Variants in ZNF66 observed in about 807,000 individuals in gnomAD.
ZNF66 encodes putative zinc finger protein 66.
In ZNF66, 32 loss-of-function variants were observed where a neutral mutation model predicts 35.2. The observed-to-expected ratio is 0.91, with a 90% confidence interval of 0.69 to 1.22. The LOEUF is 1.22. Among genes scored for constraint, ZNF66 ranks in the 50% most tolerant of loss-of-function variants. ZNF66 has a pLI of 0.00. For missense variants in ZNF66, 666 were observed against 543.1 expected (o/e 1.23, Z -2.25); for synonymous variants, 231 against 181.3 (o/e 1.27, Z -2.20).
intron 2 of ZNF66, among the ~76,000 whole-genome samples, chr19:20,793,332 C>CTTTTTTT (rs781748526): frequency 2.1e-4 from 18 of 84,618 alleles, no homozygotes; most frequent in South Asian, 9.5e-4. Flanking sequence ...CTTTTCTTTT[C>CTTTTTTT]TTTTTTTTTT....
intron 1 of ZNF66, among the ~76,000 whole-genome samples, chr19:20,778,249 G>A (rs995921757): frequency 2.0e-5 from 3 of 151,994 alleles, no homozygotes; most frequent in African/African-American, 7.2e-5. Context: ...ACAGGTGTGT[G>A]TCACCACGTC....
chr19:20,778,681 G>A (rs1971217573), intron 1 of ZNF66, among the ~76,000 whole-genome samples: 1 of 151,774 alleles, frequency 6.6e-6, no homozygotes, highest in South Asian at 2.1e-4. Flanking sequence ...TACTTGGGAG[G>A]CTGAGGAACA....
rs1033698023 is a variant in ZNF66 at position 20,807,421 on chromosome 19, T to C, written c.*99T>C. 12 of 553,868 alleles carry C rather than the reference T, an allele frequency of 2.2e-5. No individual in the cohort carries two copies. The highest frequency in any genetic ancestry group is 2.1e-4 in the African/African-American group (11 of 52,918). The allele number at this position is 553,868 out of a possible 1,614,324, so 34.3% of individuals were successfully genotyped here. On this transcript the variant is annotated 3_prime_UTR_variant, in exon 4 of 4. Transcript: ENST00000344519. ...AAAGACTTTAACCAGCTATCAACTT[T>C]TACTAAATATGAGAATTTATGGAAC...
rs997399665 is a variant in ZNF66, at chr19:20,808,900, G to A, written c.*1578G>A. Among the ~76,000 whole-genome samples, 5 of 151,814 alleles carry A rather than the reference G, an allele frequency of 3.3e-5. No individual in the cohort carries two copies. The highest frequency in any genetic ancestry group is 1.2e-4 in the African/African-American group (5 of 41,342). The stretch of plus-strand genomic sequence containing the variant: ...GCTTCAGACGATCAAACTACTCCGA[G>A]CTACAGGAGGAAATTCAAACCAAAG... On this transcript the variant is annotated 3_prime_UTR_variant, in exon 4 of 4. Transcript: ENST00000344519.
chr19:20,785,115 C>A (rs1052256215), intron 1 of ZNF66: 1 of 152,182 alleles, frequency 6.6e-6, no homozygotes, highest in Non-Finnish European at 1.5e-5. Context: ...TGATTCTACC[C>A]AGGAGGCCTG....
intron 1 of ZNF66, among the ~76,000 whole-genome samples, chr19:20,782,043 T>A (rs1196145707): frequency 6.6e-6 from 1 of 152,148 alleles, no homozygotes; most frequent in Admixed American, 6.5e-5. Context: ...CTAAAGCAAT[T>A]CTCTCCTACC....
intron 1 of ZNF66, among the ~76,000 whole-genome samples, chr19:20,791,250 C>T (rs915145120): frequency 6.6e-6 from 1 of 151,982 alleles, no homozygotes; most frequent in Non-Finnish European, 1.5e-5. Flanking sequence ...TTTGGGAGGT[C>T]AAGGCAGGCA....
intron 3 of ZNF66, among the ~76,000 whole-genome samples, chr19:20,795,903 A>G (rs552376940): frequency 1.3e-5 from 2 of 152,290 alleles, no homozygotes; most frequent in East Asian, 1.9e-4. Context: ...CAGTGGGACC[A>G]AGTTGGGTGA....
In ZNF66 at chr19:20,807,950, C is replaced by T. The variant is rs558827326; in HGVS notation, c.*628C>T. ...GAAGCGCAAGGAGTCAGGGAGTTCC[C>T]TTTCCTAGTCAAAGAAAGGGGTGAC... On this transcript the variant is annotated 3_prime_UTR_variant, in exon 4 of 4. Coordinates refer to ENST00000344519, the MANE Select transcript of ZNF66 (RefSeq NM_001355197.2). Among the ~76,000 whole-genome samples, 28 of 151,494 alleles carry T rather than the reference C, an allele frequency of 1.8e-4. No individual in the cohort carries two copies. The highest frequency in any genetic ancestry group is 3.3e-4 in the Non-Finnish European group (22 of 67,532).
chr19:20,805,861 A>G lies in ZNF66; in HGVS notation c.261A>G (p.Pro87=), dbSNP rs776831381. ...CTCATTTTAACCAAGACCTTTGGCCAGAGCAGAGCATAAAAGATTCTTTCC... is the reference window on the plus strand; with the variant it reads ...CTCATTTTAACCAAGACCTTTGGCCGGAGCAGAGCATAAAAGATTCTTTCC... ...LCSHFNQDLW[P]EQSIKDSFQK... is the part of the protein sequence containing the mutation. Residue 87 remains proline, a synonymous_variant, in exon 4 of 4, where the codon CCA becomes CCG. Coordinates refer to ENST00000344519, the MANE Select transcript of ZNF66 (RefSeq NM_001355197.2). 7 of 619,794 alleles carry G rather than the reference A, an allele frequency of 1.1e-5. No individual in the cohort carries two copies. The highest frequency in any genetic ancestry group is 1.5e-5 in the Non-Finnish European group (5 of 342,630). 38.4% of individuals were successfully genotyped at this position (619,794 alleles called of 1,614,324 possible). A position where few individuals can be genotyped will look rare whatever the true frequency, so the allele number is the denominator to read the frequency against.
Position 20,808,123 on chromosome 19 carries a change from G to C in ZNF66, c.*801G>C, listed in dbSNP as rs1971543668. 6.6e-6 allele frequency among the ~76,000 whole-genome samples: 1 copy of C among 152,176 alleles called. No individual in the cohort carries two copies. Among genetic ancestry groups the C allele is most frequent in the African/African-American group, 2.4e-5 (1 of 41,450 alleles). ...TCACTGATTGCTAGCACAGCAGTCT[G>C]AGATCAAACTGCAAGGCAGCAGCGA... is the stretch of plus-strand genomic sequence containing the variant. On this transcript the variant is annotated 3_prime_UTR_variant, in exon 4 of 4. Transcript: ENST00000344519.
Position 20,779,321 on chromosome 19 carries a change from G to A in ZNF66, c.3+2871G>A, listed in dbSNP as rs1421361403. On this transcript the variant is annotated intron_variant, in intron 1 of 3. Coordinates refer to ENST00000344519, the MANE Select transcript of ZNF66 (RefSeq NM_001355197.2). The stretch of plus-strand genomic sequence containing the variant: ...GGCAGAAAAGGGCTTTCTTTTTTAG[G>A]GAGAGGTAAACAAGATAAGAAAGGA... Among the ~76,000 whole-genome samples, 5 of 147,824 alleles carry A rather than the reference G, an allele frequency of 3.4e-5. No individual in the cohort carries two copies. In the South Asian group the frequency reaches 8.5e-4, roughly 25 times the overall value.
chr19:20,787,682 T>C (rs531652749), intron 1 of ZNF66, among the ~76,000 whole-genome samples: 110 of 152,306 alleles, frequency 7.2e-4, no homozygotes, highest in African/African-American at 2.5e-3. Flanking sequence ...ATGGCAGAAT[T>C]TGTAAGTGTA....
chr19:20,792,699 G>T, intron 2 of ZNF66, 61 bp downstream of exon 2: 2 of 963,116 alleles, frequency 2.1e-6, no homozygotes, highest in East Asian at 2.7e-5. Flanking sequence ...TCTCTTTTTT[G>T]TAGAATGTTA....
At chr19:20,777,818 GT>G (rs1971209836) in intron 1 of ZNF66, among the ~76,000 whole-genome samples, 2 of 151,942 alleles carry the variant, frequency 1.3e-5, no homozygotes, top group South Asian at 4.1e-4. Context: ...TAGAGATGAG[GT>G]TTCACCATGT....
intron 1 of ZNF66, among the ~76,000 whole-genome samples, chr19:20,785,751 G>GTTTTT (rs1171317364): frequency 2.4e-4 from 36 of 148,718 alleles, no homozygotes; most frequent in African/African-American, 9.0e-4. Context: ...TTCTTTTTCT[G>GTTTTT]TTTTTGTTTG....
At chr19:20,780,760 C>T (rs1347844810) in intron 1 of ZNF66, among the ~76,000 whole-genome samples, 1 of 152,168 alleles carries the variant, frequency 6.6e-6, no homozygotes, top group Non-Finnish European at 1.5e-5. Flanking sequence ...TTCCCATACA[C>T]AGGCTGTCAC....
chr19:20,799,227 A>G (rs1258748016), intron 3 of ZNF66: 1 of 151,418 alleles, frequency 6.6e-6, no homozygotes, highest in African/African-American at 2.4e-5. Context: ...TCGCCAAGGT[A>G]ATTTTTGTGT....
At position 20,806,275 on chromosome 19, in the gene ZNF66, A is replaced by G. The variant is rs1266994765; in HGVS notation, c.675A>G (p.Gly225=). 6.8e-7 allele frequency: 1 copy of G among 1,472,674 alleles called. No individual in the cohort carries two copies. The highest frequency in any genetic ancestry group is 1.4e-5 in the African/African-American group (1 of 71,906). 91.2% of individuals were successfully genotyped at this position (1,472,674 alleles called of 1,614,324 possible). A position where few individuals can be genotyped will look rare whatever the true frequency, so the allele number is the denominator to read the frequency against. The change falls in exon 4 of 4, where the codon GGA becomes GGG. Residue 225 remains glycine (G), a synonymous_variant. Transcript: ENST00000344519. ...HLTTHKIIHT[G]EKRYKCEDCG... is the part of the protein sequence containing the mutation. Reference sequence around the variant, plus strand: ...CTACACATAAGATAATTCATACTGGAGAGAAACGGTACAAATGTGAAGACT... The same window carrying G: ...CTACACATAAGATAATTCATACTGGGGAGAAACGGTACAAATGTGAAGACT...
Sources: gnomAD v4.1 joint callset for allele counts (sites outside exome capture counted in the v4.1 genomes callset) on GRCh38, gnomAD v4.1.1 for gene constraint, MANE v1.5 for transcripts, NCBI Gene and HGNC (gene_info 2026-07-23, HGNC 2026-07-21) for gene names.